TEKT5: variants seen among roughly 807,000 people sequenced by gnomAD.
TEKT5 encodes tektin 5, also known as tektin-5.
In TEKT5, 52 loss-of-function variants were observed where a neutral mutation model predicts 48.7. That is an observed-to-expected ratio of 1.07 (90% CI 0.86 to 1.35). The LOEUF (loss-of-function observed/expected upper bound fraction) is 1.35. TEKT5 is among the 40% of genes most tolerant of loss of function. The pLI is 0.00. For missense variants in TEKT5, 831 were observed against 641.6 expected, an observed-to-expected ratio of 1.30 and a Z score of -3.19; for synonymous variants, 318 against 267.6, an observed-to-expected ratio of 1.19 and a Z score of -1.84.
In TEKT5 at chr16:10,694,362, G is replaced by T. The variant is rs141349037; in HGVS notation, c.512C>A (p.Thr171Lys). The stretch of plus-strand genomic sequence containing the variant: ...CGCGCACTCCAGCCGCCTCTTGACC[G>T]TCTCCAAGTTCTGGTTCTCAGTCAG... ...RLLTENQNLE[T>K]VKRRLECAAN... Residue 171 changes from threonine to lysine, a missense_variant, in exon 1 of 7, where the codon ACG (threonine) becomes AAG (lysine). By Grantham distance (78) the Thr-to-Lys change is moderately conservative. Transcript: ENST00000283025. 3 of 1,613,318 alleles carry T rather than the reference G, an allele frequency of 1.9e-6. No homozygotes were observed. The highest frequency in any genetic ancestry group is 1.7e-6 in the Non-Finnish European group (2 of 1,179,636).
intron 2 of TEKT5, among the ~76,000 whole-genome samples, 175 bp downstream of exon 2, chr16:10,689,767 A>T (rs1244020033): frequency 6.6e-6 from 1 of 152,004 alleles, no homozygotes; most frequent in Admixed American, 6.6e-5. Flanking sequence ...AAATAACTCC[A>T]TTACTCCCTG....
intron 3 of TEKT5, among the ~76,000 whole-genome samples, 162 bp from the exon 4 acceptor site, chr16:10,682,298 T>TC (rs1898770944): frequency 6.7e-6 from 1 of 150,230 alleles, no homozygotes; most frequent in African/African-American, 2.5e-5. Flanking sequence ...ACCCAGAGGC[T>TC]CCCCCCAATC....
intron 5 of TEKT5, among the ~76,000 whole-genome samples, chr16:10,667,667 C>G (rs1287604219): frequency 2.6e-5 from 4 of 152,162 alleles, no homozygotes; most frequent in African/African-American, 9.7e-5. Flanking sequence ...TCCCAAATTT[C>G]AGGTACTGGG....
intron 5 of TEKT5, 115 bp downstream of exon 5, chr16:10,675,844 G>A (rs1398948653): frequency 7.1e-5 from 71 of 993,564 alleles, no homozygotes; most frequent in Non-Finnish European, 5.7e-5. Flanking sequence ...TTGGGAGAGA[G>A]GGTACTGCTT....
chr16:10,675,953 G>T lies in TEKT5; in HGVS notation c.1086+6C>A. 6.2e-7 allele frequency: 1 copy of T among 1,613,850 alleles called. No individual in the cohort carries two copies. The highest frequency in any genetic ancestry group is 1.1e-5 in the South Asian group (1 of 91,056). On this transcript the variant is annotated splice_donor_region_variant and intron_variant, in intron 5 of 6. Coordinates refer to ENST00000283025, the MANE Select transcript of TEKT5 (RefSeq NM_144674.2). ...GAAGGCAGGGGTCCTGGGAGGATCT[G>T]CTCACCTTCGCCAGCTGCGTCTGCA...
intron 5 of TEKT5, among the ~76,000 whole-genome samples, chr16:10,672,503 G>A (rs1200027557): frequency 6.6e-6 from 1 of 152,162 alleles, no homozygotes; most frequent in Non-Finnish European, 1.5e-5. Context: ...GGCTGAGGCA[G>A]GAGAATCACT....
intron 5 of TEKT5, among the ~76,000 whole-genome samples, chr16:10,656,029 G>C (rs1300146053): frequency 6.6e-6 from 1 of 152,132 alleles, no homozygotes; most frequent in Non-Finnish European, 1.5e-5. Context: ...AGGGTATCTT[G>C]ACCTCAGCAC....
At chr16:10,660,370 TC>T (rs1424941610) in intron 5 of TEKT5, among the ~76,000 whole-genome samples, 2 of 151,530 alleles carry the variant, frequency 1.3e-5, no homozygotes, top group South Asian at 4.2e-4. Flanking sequence ...GTTAAGTAAC[TC>T]CCCCCACCCC....
rs113593660 is a variant in TEKT5, at chr16:10,651,789, G to A, written c.1087-15871C>T. ...AGCCTGACAAACATGGCGAAACCCC[G>A]TCTCTACTAAAAATACAAAAAAATT... On this transcript the variant is annotated intron_variant, in intron 5 of 6. Coordinates refer to ENST00000283025, the MANE Select transcript of TEKT5 (RefSeq NM_144674.2). Among the ~76,000 whole-genome samples, 95 of 152,088 alleles carry A rather than the reference G, an allele frequency of 6.2e-4. No homozygotes were observed. In the Middle Eastern group the frequency reaches 0.01, roughly 16 times the overall value.
chr16:10,692,542 T>G (rs1192443418), intron 1 of TEKT5: 5 of 152,354 alleles, frequency 3.3e-5, no homozygotes, highest in Non-Finnish European at 7.3e-5. Flanking sequence ...TTACCCAGTG[T>G]CCACTCAACC....
At chr16:10,687,580 C>T (rs1385765355) in intron 3 of TEKT5, among the ~76,000 whole-genome samples, 1 of 152,206 alleles carries the variant, frequency 6.6e-6, no homozygotes. Context: ...TGGCAAAACA[C>T]TGTCTCTACT....
intron 1 of TEKT5, among the ~76,000 whole-genome samples, chr16:10,694,095 C>G (rs968621849): frequency 2.0e-5 from 3 of 152,152 alleles, no homozygotes; most frequent in African/African-American, 7.2e-5. Context: ...GATGTAGCTT[C>G]AAGGAGAAAA....
chr16:10,644,958 G>A (rs1455510251), intron 5 of TEKT5, among the ~76,000 whole-genome samples: 1 of 152,140 alleles, frequency 6.6e-6, no homozygotes, highest in East Asian at 1.9e-4. Context: ...TGGGATTAGT[G>A]CCTTTATAAG....
chr16:10,661,158 T>C (rs1596409792), intron 5 of TEKT5, among the ~76,000 whole-genome samples: 1 of 152,130 alleles, frequency 6.6e-6, no homozygotes, highest in East Asian at 1.9e-4. Context: ...TGTGCTCCAA[T>C]AAAACTATTT....
chr16:10,653,125 G>A (rs1898197738), intron 5 of TEKT5, among the ~76,000 whole-genome samples: 1 of 152,220 alleles, frequency 6.6e-6, no homozygotes. Flanking sequence ...AGAGGCTTCT[G>A]GGGCACAGCC....
chr16:10,634,631 A>C (rs1280724592), intron 6 of TEKT5, among the ~76,000 whole-genome samples: 1 of 152,160 alleles, frequency 6.6e-6, no homozygotes, highest in Non-Finnish European at 1.5e-5. Context: ...GAGCATGCAG[A>C]AAGAGTGATG....
chr16:10,671,652 A>G (rs1420545401), intron 5 of TEKT5: 1 of 152,224 alleles, frequency 6.6e-6, no homozygotes, highest in Non-Finnish European at 1.5e-5. Context: ...GCTGCTGCTA[A>G]TAAAGACATA....
At chr16:10,679,146 T>C (rs1490739073) in intron 4 of TEKT5, among the ~76,000 whole-genome samples, 1 of 152,220 alleles carries the variant, frequency 6.6e-6, no homozygotes, top group African/African-American at 2.4e-5. Context: ...GAAGTCCTTG[T>C]CATGGCACTG....
intron 4 of TEKT5, among the ~76,000 whole-genome samples, chr16:10,677,410 G>A (rs1283689075): frequency 6.8e-6 from 1 of 147,008 alleles, no homozygotes; most frequent in African/African-American, 2.7e-5. Flanking sequence ...AGGAATTTGA[G>A]ACCAGCCTGG....
Sources: allele counts gnomAD v4.1 joint callset (sites outside exome capture counted in the v4.1 genomes callset), GRCh38; gene constraint gnomAD v4.1.1; transcripts MANE v1.5; gene names NCBI Gene and HGNC (gene_info 2026-07-23, HGNC 2026-07-21).